GABRB2: variants seen among roughly 807,000 people sequenced by gnomAD.
The protein encoded by GABRB2 is gamma-aminobutyric acid type A receptor subunit beta2.
In GABRB2, 16 loss-of-function variants were observed where a neutral mutation model predicts 54.7. The observed-to-expected ratio is 0.29, with a 90% CI of 0.20 to 0.44. The LOEUF (loss-of-function observed/expected upper bound fraction) is 0.44, where lower values mean the gene tolerates loss of function less well. GABRB2 is among the 20% of genes least tolerant of loss of function. GABRB2 has a pLI of 1.00. For synonymous variants in GABRB2, 244 were observed against 233.8 expected (o/e 1.04, Z -0.40); for missense variants, 355 against 644.0 (o/e 0.55, Z 4.86).
At chr5:161,543,407 A>T (rs1333488259) in intron 3 of GABRB2, among the ~76,000 whole-genome samples, 1 of 152,206 alleles carries the variant, frequency 6.6e-6, no homozygotes, top group Non-Finnish European at 1.5e-5. Context: ...TAGCTAACCT[A>T]CTGCAGCAAC....
intron 3 of GABRB2, among the ~76,000 whole-genome samples, chr5:161,541,461 A>C (rs1419806508): frequency 6.6e-6 from 1 of 152,200 alleles, no homozygotes; most frequent in Non-Finnish European, 1.5e-5. Flanking sequence ...CTTCTGATAG[A>C]AGACTCTCTT....
chr5:161,334,080 G>A (rs1379935225), intron 7 of GABRB2, among the ~76,000 whole-genome samples: 1 of 152,110 alleles, frequency 6.6e-6, no homozygotes, highest in African/African-American at 2.4e-5. Flanking sequence ...TGATTGAATT[G>A]AGATCTAATG....
chr5:161,487,735 A>G (rs1171677319), intron 3 of GABRB2, among the ~76,000 whole-genome samples: 1 of 151,930 alleles, frequency 6.6e-6, no homozygotes, highest in Non-Finnish European at 1.5e-5. Flanking sequence ...AAACAAAATA[A>G]CATGTAAAAA....
At chr5:161,367,094 C>A (rs1400540911) in intron 5 of GABRB2, among the ~76,000 whole-genome samples, 2 of 152,164 alleles carry the variant, frequency 1.3e-5, no homozygotes, top group Non-Finnish European at 2.9e-5. Flanking sequence ...GGAAAAAAAT[C>A]TGTGAGAGAC....
chr5:161,546,756 C>A (rs1760998990), upstream of GABRB2: 6 of 1,484,134 alleles, frequency 4.0e-6, no homozygotes, highest in Admixed American at 2.2e-5. Context: ...ACCAAAACAT[C>A]AAAGGGGAAG....
intron 3 of GABRB2, among the ~76,000 whole-genome samples, chr5:161,486,084 T>C (rs184041945): frequency 1.6e-4 from 24 of 152,126 alleles, no homozygotes; most frequent in African/African-American, 5.3e-4. Flanking sequence ...TGCCTATTTG[T>C]GTTCTGTTTC....
In GABRB2 at chr5:161,473,623, G is replaced by A. The variant is rs187129388; in HGVS notation, c.238-13779C>T. 3.3e-5 allele frequency among the ~76,000 whole-genome samples: 5 copies of A among 152,008 alleles called. No individual in the cohort carries two copies. In the East Asian group the frequency reaches 7.8e-4, roughly 24 times the overall value. ...ATTGAATTTTGTTGCTTGATTTGGT[G>A]GATTCTTAGGAACAAAAATAGCATC... On this transcript the variant is annotated intron_variant, in intron 3 of 9. Transcript: ENST00000393959.
At chr5:161,298,337 C>T (rs907331159) in intron 9 of GABRB2, among the ~76,000 whole-genome samples, 20 of 152,244 alleles carry the variant, frequency 1.3e-4, no homozygotes, top group African/African-American at 4.3e-4. Flanking sequence ...GCATTTTAAT[C>T]ATGAAATCTT....
intron 9 of GABRB2, 30 bp from the exon 10 acceptor site, chr5:161,294,458 C>A: frequency 6.3e-7 from 1 of 1,588,058 alleles, no homozygotes. Flanking sequence ...AAAAGACAAT[C>A]AGAACAATGA....
rs947837663 is a variant in GABRB2 at position 161,461,311 on chromosome 5, C to T, written c.238-1467G>A. Among the ~76,000 whole-genome samples, 11 of 152,248 alleles carry T rather than the reference C, an allele frequency of 7.2e-5. No homozygotes were observed. The East Asian group carries it at 9.7e-4, about 13-fold the overall frequency. On this transcript the variant is annotated intron_variant, in intron 3 of 9. Coordinates refer to ENST00000393959, the MANE Select transcript of GABRB2 (RefSeq NM_001371727.1). ...CATGAGAATTTTAATCCCAGCCTTACGGACAAGTAGGCTGGGCTGCAACTT... is the reference window on the plus strand; with the variant it reads ...CATGAGAATTTTAATCCCAGCCTTATGGACAAGTAGGCTGGGCTGCAACTT...
intron 9 of GABRB2, among the ~76,000 whole-genome samples, chr5:161,323,112 C>T (rs971839782): frequency 1.3e-5 from 2 of 151,672 alleles, no homozygotes; most frequent in South Asian, 2.1e-4. Context: ...GCAACCTCCA[C>T]CCCATGAGTT....
intron 3 of GABRB2, among the ~76,000 whole-genome samples, chr5:161,525,787 T>A (rs1760259265): frequency 6.6e-6 from 1 of 151,454 alleles, no homozygotes; most frequent in South Asian, 2.1e-4. Flanking sequence ...CCCATCCAAC[T>A]AATGCATCTA....
intron 4 of GABRB2, among the ~76,000 whole-genome samples, chr5:161,439,829 TA>T (rs1757413638): frequency 6.7e-6 from 1 of 149,930 alleles, no homozygotes; most frequent in Non-Finnish European, 1.5e-5. Flanking sequence ...TTGGTGGGGG[TA>T]GGGGGAGGGA....
chr5:161,346,949 C>A (rs1197718827), intron 5 of GABRB2, among the ~76,000 whole-genome samples: 1 of 152,020 alleles, frequency 6.6e-6, no homozygotes, highest in Non-Finnish European at 1.5e-5. Context: ...CTGAGATAGA[C>A]TGAACTTGTG....
intron 5 of GABRB2, among the ~76,000 whole-genome samples, chr5:161,363,545 T>A (rs193045393): frequency 2.2e-3 from 324 of 145,198 alleles, no homozygotes; most frequent in African/African-American, 4.3e-3. Context: ...TTAATTTTTT[T>A]AAAAAAATTA....
intron 6 of GABRB2, 109 bp from the exon 7 acceptor site, chr5:161,335,013 A>T (rs1753951132): frequency 9.4e-7 from 1 of 1,063,456 alleles, no homozygotes; most frequent in Non-Finnish European, 1.4e-6. Context: ...TTTAGCTCTT[A>T]GTGAAGGACA....
At chr5:161,307,698 A>T (rs921264499) in intron 9 of GABRB2, among the ~76,000 whole-genome samples, 3 of 151,988 alleles carry the variant, frequency 2.0e-5, no homozygotes, top group Non-Finnish European at 4.4e-5. Flanking sequence ...TAAGATAGTT[A>T]TGGAGCCTAC....
intron 4 of GABRB2, among the ~76,000 whole-genome samples, chr5:161,445,770 C>T (rs1455187232): frequency 6.6e-6 from 1 of 152,114 alleles, no homozygotes; most frequent in African/African-American, 2.4e-5. Flanking sequence ...CCCGCTGCCC[C>T]ACCCTTCTGG....
intron 3 of GABRB2, among the ~76,000 whole-genome samples, chr5:161,535,347 A>G (rs1048104975): frequency 2.0e-5 from 3 of 152,228 alleles, no homozygotes; most frequent in African/African-American, 7.2e-5. Flanking sequence ...AAAAAAACAT[A>G]TATTTTAATT....
Sources: gnomAD v4.1 joint callset for allele counts (sites outside exome capture counted in the v4.1 genomes callset) on GRCh38, gnomAD v4.1.1 for gene constraint, MANE v1.5 for transcripts, NCBI Gene and HGNC (gene_info 2026-07-23, HGNC 2026-07-21) for gene names.